Variants in STARD13 observed in about 807,000 individuals in gnomAD.
STARD13 encodes stAR-related lipid transfer protein 13.
In STARD13, 62 loss-of-function variants were observed where a neutral mutation model predicts 106.4. That is an observed-to-expected ratio of 0.58 (90% confidence interval 0.48 to 0.72). The LOEUF is 0.72. STARD13 is among the 30% of genes least tolerant of loss of function. The pLI is 0.00. For missense variants in STARD13, 1,387 were observed against 1,424.0 expected (o/e 0.97, Z 0.42); for synonymous variants, 565 against 553.0 (o/e 1.02, Z -0.31).
intron 4 of STARD13, among the ~76,000 whole-genome samples, chr13:33,140,227 C>G (rs1227197553): frequency 1.3e-5 from 2 of 152,214 alleles, no homozygotes; most frequent in Non-Finnish European, 2.9e-5. Flanking sequence ...GGAAACAACT[C>G]ATGTCATTAG....
intron 1 of STARD13, among the ~76,000 whole-genome samples, chr13:33,265,669 G>A (rs191861224): frequency 4.3e-4 from 66 of 152,110 alleles, no homozygotes; most frequent in Non-Finnish European, 7.6e-4. Flanking sequence ...TTTAATGTTC[G>A]TAGTTTATTG....
the STARD13 span, among the ~76,000 whole-genome samples, chr13:33,415,562 C>A: frequency 2.0e-5 from 3 of 151,782 alleles, no homozygotes; most frequent in African/African-American, 7.3e-5. Context: ...TGAAGATGTT[C>A]TTTTTTTTGT....
At chr13:33,314,679 G>T (rs1056564525) in intron 1 of STARD13, among the ~76,000 whole-genome samples, 53 of 152,276 alleles carry the variant, frequency 3.5e-4, no homozygotes, top group African/African-American at 1.3e-3. Flanking sequence ...AATGAGATCA[G>T]TATTATTATC....
At chr13:33,364,757 C>T in the STARD13 span, among the ~76,000 whole-genome samples, 2 of 152,070 alleles carry the variant, frequency 1.3e-5, no homozygotes, top group Admixed American at 6.5e-5. Context: ...GGCGTGGTGG[C>T]GGGCGCCTGT....
the STARD13 span, among the ~76,000 whole-genome samples, chr13:33,642,524 T>C: frequency 6.6e-6 from 1 of 152,156 alleles, no homozygotes; most frequent in Non-Finnish European, 1.5e-5. Context: ...TTGTCTCTTC[T>C]TGAAGGCTTC....
In STARD13 at chr13:33,218,861, G is replaced by A. The variant is rs149015276; in HGVS notation, c.170-51239C>T. Among the ~76,000 whole-genome samples the A allele has an allele frequency of 9.7e-4, 147 of 152,230 alleles. 5 individuals are homozygous for A. In the East Asian group the frequency reaches 0.025, roughly 26 times the overall value. ...GGGAAGGATACTCTGTGATAAATAC[G>A]AATTAGGTCACATCATTCTATGCTT... On this transcript the variant is annotated intron_variant, in intron 1 of 13. Coordinates refer to ENST00000336934, the MANE Select transcript of STARD13 (RefSeq NM_178006.4).
intron 1 of STARD13, among the ~76,000 whole-genome samples, chr13:33,219,813 C>CA (rs71196513): frequency 0.38 from 43,877 of 116,302 alleles, 9,077 homozygotes; most frequent in Non-Finnish European, 0.46. Flanking sequence ...TAAAAACAAA[C>CA]AAAAAAAAAA....
intron 12 of STARD13, 35 bp from the exon 13 acceptor site, chr13:33,106,969 C>A (rs372178866): frequency 6.3e-7 from 1 of 1,580,996 alleles, no homozygotes; most frequent in Non-Finnish European, 8.6e-7. Context: ...AGAGTCATGA[C>A]TGAGGGAGGA....
chr13:33,504,721 G>A, the STARD13 span, among the ~76,000 whole-genome samples: 13 of 152,078 alleles, frequency 8.5e-5, no homozygotes, highest in South Asian at 2.1e-4. Flanking sequence ...AACCTGGCAC[G>A]TTGTGCACAT....
At chr13:33,276,915 C>T (rs1891467958) in intron 1 of STARD13, among the ~76,000 whole-genome samples, 1 of 152,090 alleles carries the variant, frequency 6.6e-6, no homozygotes, top group African/African-American at 2.4e-5. Flanking sequence ...TGAGGAAAAT[C>T]ATTTGACAGT....
the STARD13 span, among the ~76,000 whole-genome samples, chr13:33,620,845 T>A: frequency 4.0e-5 from 6 of 151,046 alleles, no homozygotes; most frequent in African/African-American, 1.5e-4. Context: ...ATGCCAAAAA[T>A]AGTTGGATAT....
rs527808586 is a variant in STARD13 at position 33,181,094 on chromosome 13, G to A, written c.170-13472C>T. Among the ~76,000 whole-genome samples the A allele has an allele frequency of 9.2e-5, 14 of 152,198 alleles. No homozygotes were observed. The South Asian group carries it at 2.9e-3, about 32-fold the overall frequency. ...GTTACACAGCTTTCCTCAAATGTGT[G>A]TGTTTACTCTACCTCTAAGGTGCTC... is the stretch of plus-strand genomic sequence containing the variant. On this transcript the variant is annotated intron_variant, in intron 1 of 13. Transcript: ENST00000336934.
the STARD13 span, among the ~76,000 whole-genome samples, chr13:33,405,132 C>T: frequency 6.6e-6 from 1 of 152,186 alleles, no homozygotes; most frequent in African/African-American, 2.4e-5. Flanking sequence ...GCCCCTGTCC[C>T]CACCCCACTG....
intron 4 of STARD13, among the ~76,000 whole-genome samples, chr13:33,133,192 T>C (rs1427074767): frequency 6.6e-6 from 1 of 152,182 alleles, no homozygotes; most frequent in East Asian, 1.9e-4. Flanking sequence ...ACTAGTTGGA[T>C]AGGGACTCCT....
chr13:33,246,297 C>T (rs1361072629), intron 1 of STARD13, among the ~76,000 whole-genome samples: 1 of 152,154 alleles, frequency 6.6e-6, no homozygotes, highest in Non-Finnish European at 1.5e-5. Context: ...GAAAGCACTA[C>T]CATCAAGTCA....
chr13:33,479,928 C>T, the STARD13 span, among the ~76,000 whole-genome samples: 3 of 152,340 alleles, frequency 2.0e-5, no homozygotes, highest in African/African-American at 7.2e-5. Context: ...ATGCCAGCAT[C>T]ATGCTTCCTG....
At chr13:33,461,691 G>A in the STARD13 span, among the ~76,000 whole-genome samples, 1 of 152,126 alleles carries the variant, frequency 6.6e-6, no homozygotes, top group African/African-American at 2.4e-5. Flanking sequence ...ATCTTGTAGT[G>A]ATTTTTTACA....
At chr13:33,284,207 C>T (rs1267560549) in intron 1 of STARD13, among the ~76,000 whole-genome samples, 1 of 152,190 alleles carries the variant, frequency 6.6e-6, no homozygotes, top group Admixed American at 6.5e-5. Context: ...GAAATCAGAC[C>T]AGCATGTAGG....
the STARD13 span, among the ~76,000 whole-genome samples, chr13:33,536,955 G>A: frequency 6.6e-6 from 1 of 152,144 alleles, no homozygotes; most frequent in African/African-American, 2.4e-5. Flanking sequence ...TATTAGAGCT[G>A]CTTTAAATTT....
Sources: allele counts gnomAD v4.1 joint callset (sites outside exome capture counted in the v4.1 genomes callset), GRCh38; gene constraint gnomAD v4.1.1; transcripts MANE v1.5; gene names NCBI Gene and HGNC (gene_info 2026-07-23, HGNC 2026-07-21).